SAMD5: variants seen among roughly 807,000 people sequenced by gnomAD.
The protein encoded by SAMD5 is sterile alpha motif domain-containing protein 5.
A neutral mutation model predicts 11.3 loss-of-function variants in SAMD5; 13 were observed. The observed-to-expected ratio is 1.15, with a 90% confidence interval of 0.75 to 1.83. SAMD5 has a LOEUF of 1.83. Among genes scored for constraint, SAMD5 ranks in the 40% most tolerant of loss-of-function variants. The probability of loss-of-function intolerance (pLI) is 0.00; values close to 1 mark genes in which losing one functional copy is unlikely to be tolerated. For synonymous variants in SAMD5, 129 were observed against 111.3 expected, an observed-to-expected ratio of 1.16 and a Z score of -1.00; for missense variants, 255 against 239.1, an observed-to-expected ratio of 1.07 and a Z score of -0.44.
the SAMD5 span, among the ~76,000 whole-genome samples, chr6:147,799,575 T>C: frequency 6.6e-6 from 1 of 151,836 alleles, no homozygotes; most frequent in East Asian, 1.9e-4. Flanking sequence ...AGGAGTATCT[T>C]TGTGGCGTTC....
chr6:147,943,866 A>G, the SAMD5 span, among the ~76,000 whole-genome samples: 1 of 152,168 alleles, frequency 6.6e-6, no homozygotes, highest in African/African-American at 2.4e-5. Flanking sequence ...GCATGTGTAA[A>G]AACTGAACTC....
At chr6:147,924,608 T>C in the SAMD5 span, among the ~76,000 whole-genome samples, 1 of 151,992 alleles carries the variant, frequency 6.6e-6, no homozygotes, top group East Asian at 1.9e-4. Flanking sequence ...TCATAGGAAG[T>C]AGGAAAGTTC....
the SAMD5 span, among the ~76,000 whole-genome samples, chr6:147,941,268 G>A: frequency 2.0e-5 from 3 of 151,982 alleles, no homozygotes; most frequent in East Asian, 1.9e-4. Context: ...GGTGATTCAG[G>A]GCCATGTGTG....
the SAMD5 span, among the ~76,000 whole-genome samples, chr6:147,794,369 G>T: frequency 6.6e-6 from 1 of 151,802 alleles, no homozygotes; most frequent in Non-Finnish European, 1.5e-5. Context: ...CCTTATGCAG[G>T]ATATAAACTC....
At chr6:147,857,564 T>C in the SAMD5 span, among the ~76,000 whole-genome samples, 1 of 151,884 alleles carries the variant, frequency 6.6e-6, no homozygotes, top group Non-Finnish European at 1.5e-5. Context: ...GTGCATTTTA[T>C]GCATTAAATT....
chr6:147,665,070 TTC>T (rs1490535759), intron 1 of SAMD5, among the ~76,000 whole-genome samples: 1 of 152,202 alleles, frequency 6.6e-6, no homozygotes, highest in Non-Finnish European at 1.5e-5. Context: ...TGGAAAATGT[TTC>T]TGATAATCAA....
At chr6:147,654,227 A>G (rs948899535) in intron 1 of SAMD5, among the ~76,000 whole-genome samples, 16 of 152,184 alleles carry the variant, frequency 1.1e-4, no homozygotes, top group Admixed American at 3.3e-4. Context: ...AGACATTGTC[A>G]TGGTCTGTAG....
intron 1 of SAMD5, among the ~76,000 whole-genome samples, chr6:147,526,757 A>G (rs1009322945): frequency 1.3e-5 from 2 of 152,222 alleles, no homozygotes; most frequent in African/African-American, 2.4e-5. Context: ...AAAATCTCAG[A>G]GTGACAAAAG....
rs892097846 is a variant in SAMD5, at chr6:147,565,320, G to C, written c.*864G>C. On this transcript the variant is annotated 3_prime_UTR_variant, in exon 2 of 2. Transcript: ENST00000367474. ...GACTTCAGGCCTGTGGGGGCCGGGA[G>C]GTGGGCAGCGGCAGTGGCCTGAGGA... is the stretch of plus-strand genomic sequence containing the variant. 2 of 985,838 alleles carry C rather than the reference G, an allele frequency of 2.0e-6. No homozygotes were observed. Among genetic ancestry groups the C allele is most frequent in the African/African-American group, 3.5e-5 (2 of 57,246 alleles). The allele number at this position is 985,838 out of a possible 1,614,324, so 61.1% of individuals were successfully genotyped here.
chr6:147,944,458 A>G, the SAMD5 span, among the ~76,000 whole-genome samples: 5 of 152,168 alleles, frequency 3.3e-5, no homozygotes, highest in African/African-American at 1.2e-4. Context: ...CTATCATGAG[A>G]ACAGCATGGG....
chr6:147,624,144 A>G (rs2128450560), intron 1 of SAMD5, among the ~76,000 whole-genome samples: 1 of 152,350 alleles, frequency 6.6e-6, no homozygotes, highest in African/African-American at 2.4e-5. Flanking sequence ...TGCTGGGATT[A>G]CAGGCGAGCC....
chr6:147,712,924 G>A (rs898545164), intron 1 of SAMD5, among the ~76,000 whole-genome samples: 1 of 152,072 alleles, frequency 6.6e-6, no homozygotes, highest in African/African-American at 2.4e-5. Context: ...GTTCCTATTA[G>A]TGATTATGAT....
chr6:147,950,208 C>A, the SAMD5 span, among the ~76,000 whole-genome samples: 19 of 152,188 alleles, frequency 1.2e-4, no homozygotes, highest in Non-Finnish European at 2.6e-4. Context: ...TCTTACCATA[C>A]CAGATGGGAG....
intron 1 of SAMD5, among the ~76,000 whole-genome samples, chr6:147,715,400 G>C (rs1451180819): frequency 6.6e-6 from 1 of 152,232 alleles, no homozygotes; most frequent in Non-Finnish European, 1.5e-5. Context: ...GGTTGGACCA[G>C]GTGTACTGCA....
the SAMD5 span, among the ~76,000 whole-genome samples, chr6:147,814,681 C>G: frequency 2.0e-5 from 3 of 152,194 alleles, no homozygotes; most frequent in East Asian, 5.8e-4. Flanking sequence ...CACTAGGGGC[C>G]CACTTCTCAA....
the SAMD5 span, among the ~76,000 whole-genome samples, chr6:147,785,326 C>A: frequency 6.6e-6 from 1 of 152,270 alleles, no homozygotes; most frequent in African/African-American, 2.4e-5. Context: ...CTCCATTTCC[C>A]AGCTCTTGAT....
chr6:147,702,796 C>G (rs980338391), intron 1 of SAMD5, among the ~76,000 whole-genome samples: 2 of 150,538 alleles, frequency 1.3e-5, no homozygotes, highest in African/African-American at 4.8e-5. Context: ...GGATTAGAAA[C>G]AGTGTTTAGT....
chr6:147,636,046 T>C (rs943365980), intron 1 of SAMD5, among the ~76,000 whole-genome samples: 2 of 152,236 alleles, frequency 1.3e-5, no homozygotes, highest in Admixed American at 1.3e-4. Context: ...CTGTACCATG[T>C]GCCAGTTACT....
chr6:147,682,017 C>A (rs1004324280), intron 1 of SAMD5, among the ~76,000 whole-genome samples: 19 of 151,010 alleles, frequency 1.3e-4, no homozygotes, highest in African/African-American at 4.7e-4. Context: ...TGCATGAAGA[C>A]CCTCTGCAAA....
Sources: allele counts gnomAD v4.1 joint callset (sites outside exome capture counted in the v4.1 genomes callset), GRCh38; gene constraint gnomAD v4.1.1; transcripts MANE v1.5; gene names NCBI Gene and HGNC (gene_info 2026-07-23, HGNC 2026-07-21).